The following PIP4K2C variants were observed in gnomAD, a reference collection of about 807,000 sequenced individuals.
PIP4K2C encodes the protein phosphatidylinositol 5-phosphate 4-kinase type-2 gamma.
In PIP4K2C, 21 loss-of-function variants were observed where a neutral mutation model predicts 45.0. The ratio of observed to expected loss-of-function variants is 0.47; its 90% CI spans 0.33 to 0.67. PIP4K2C has a LOEUF of 0.67. Among genes scored for constraint, PIP4K2C ranks in the 30% least tolerant of loss-of-function variants. The pLI is 0.02. For synonymous variants in PIP4K2C, 201 were observed against 204.8 expected (o/e 0.98, Z 0.16); for missense variants, 456 against 542.8 (o/e 0.84, Z 1.59).
At chr12:57,595,851 G>A (rs757117979) in intron 3 of PIP4K2C, 37 bp from the exon 4 acceptor site, 15 of 1,610,480 alleles carry the variant, frequency 9.3e-6, no homozygotes, top group Non-Finnish European at 1.3e-5. Flanking sequence ...CATATAAAGA[G>A]GGAGGAAAAG....
rs1245755083 is a variant in PIP4K2C, at chr12:57,600,791, G to A, written c.814-20G>A. 2 of 1,613,520 alleles carry A rather than the reference G, an allele frequency of 1.2e-6. No individual in the cohort carries two copies. Among genetic ancestry groups the A allele is most frequent in the Non-Finnish European group, 1.7e-6 (2 of 1,179,656 alleles). On this transcript the variant is annotated intron_variant, in intron 7 of 9. Transcript: ENST00000354947. ...AGTGAAGAGTGAGAGAGAGGTGTCT[G>A]ATTTGTCAGTGGGTCTCAGTTTCTA...
At chr12:57,596,795 A>G (rs1195515961) in intron 4 of PIP4K2C, among the ~76,000 whole-genome samples, 1 of 152,248 alleles carries the variant, frequency 6.6e-6, no homozygotes, top group Non-Finnish European at 1.5e-5. Flanking sequence ...AGATATATAC[A>G]ATAGTAGAAG....
chr12:57,592,936 GTCC>G (rs1171054143), intron 1 of PIP4K2C, among the ~76,000 whole-genome samples: 1 of 148,668 alleles, frequency 6.7e-6, no homozygotes, highest in African/African-American at 2.5e-5. Context: ...GATATGTTCT[GTCC>G]TCCTTTTCTA....
chr12:57,592,351 G>A (rs1263000153), intron 1 of PIP4K2C, among the ~76,000 whole-genome samples: 3 of 152,216 alleles, frequency 2.0e-5, no homozygotes, highest in African/African-American at 2.4e-5. Flanking sequence ...TATCTTGAAT[G>A]TGACACGGAA....
rs1434466333 is a variant in PIP4K2C, at chr12:57,600,330, G to T, written c.706G>T (p.Glu236Ter). ...REASDKEKVKELPTLKDMDFL... is the reference protein window; with the variant it reads ...REASDKEKVK Reference sequence around the variant, plus strand: ...TCCCTTTACATATTCTTAGGTTAAAGAATTGCCCACCCTTAAGGATATGGA... The same window carrying T: ...TCCCTTTACATATTCTTAGGTTAAATAATTGCCCACCCTTAAGGATATGGA... The change falls in exon 7 of 10, where the codon GAA becomes TAA. Residue 236 changes from glutamate to a stop codon, truncating the protein, a stop_gained. Transcript: ENST00000354947. LOFTEE classifies it high-confidence loss of function. The T allele has an allele frequency of 7.5e-6, 12 of 1,595,494 alleles. No individual in the cohort carries two copies. Among genetic ancestry groups the T allele is most frequent in the Non-Finnish European group, 1.0e-5 (12 of 1,164,944 alleles).
Position 57,600,896 on chromosome 12 carries a change from C to G in PIP4K2C, c.899C>G (p.Ala300Gly), listed in dbSNP as rs2277319. Residue 300 changes from alanine to glycine, a missense_variant, in exon 8 of 10, where the codon GCG (alanine) becomes GGG (glycine). Ala to Gly is a moderately conservative substitution (Grantham distance 60). This residue lies in a region of PIP4K2C where 421 missense variants were observed against 473.1 expected (regional missense o/e 0.89). Transcript: ENST00000354947. ...IIRGSEPEEE[A>G]PVREDESEVD... ...CGGGGCTCTGAACCAGAGGAGGAAG[C>G]GCCCGTGCGGGAGGATGAGTCAGAG... 25,037 of 1,614,164 alleles carry G rather than the reference C, an allele frequency of 0.016. 518 individuals carry two copies. Among genetic ancestry groups the G allele is most frequent in the East Asian group, 0.1 (4,512 of 44,880 alleles).
chr12:57,600,785 G>T (rs1883394380), intron 7 of PIP4K2C, 26 bp from the exon 8 acceptor site: 1 of 1,613,154 alleles, frequency 6.2e-7, no homozygotes, highest in Admixed American at 1.7e-5. Flanking sequence ...TGAGAGAGAG[G>T]TGTCTGATTT....
intron 1 of PIP4K2C, among the ~76,000 whole-genome samples, chr12:57,591,856 G>A (rs998153496): frequency 1.3e-5 from 2 of 150,900 alleles, no homozygotes; most frequent in African/African-American, 4.9e-5. Context: ...GTGAGGGGCC[G>A]AGGGGAGTAG....
chr12:57,603,339 CTTTT>C lies in PIP4K2C; in HGVS notation c.*1736_*1739del, dbSNP rs1338493549. ...TTCATTTGTTGCTTCTGTTTTTCAT[CTTTT>C]TTGTTTTATTAATAAAAATTTATGT... On this transcript the variant is annotated 3_prime_UTR_variant, in exon 10 of 10. Transcript: ENST00000354947. 1 of 151,638 alleles carries C rather than the reference CTTTT, an allele frequency of 6.6e-6. No homozygotes were observed. Among genetic ancestry groups the C allele is most frequent in the Non-Finnish European group, 1.5e-5 (1 of 67,860 alleles). 9.4% of individuals were successfully genotyped at this position (151,638 alleles called of 1,614,324 possible).
intron 4 of PIP4K2C, 49 bp downstream of exon 4, chr12:57,596,080 T>C (rs756614290): frequency 6.4e-7 from 1 of 1,573,542 alleles, no homozygotes; most frequent in Middle Eastern, 1.7e-4. Flanking sequence ...CCTACTCACA[T>C]ATAGCTCAGC....
intron 1 of PIP4K2C, among the ~76,000 whole-genome samples, chr12:57,593,278 C>CT (rs1212511202): frequency 2.0e-5 from 3 of 152,160 alleles, no homozygotes; most frequent in African/African-American, 7.2e-5. Context: ...TTTTTAAGTA[C>CT]TAGAGCTCCC....
chr12:57,591,602 C>A, intron 1 of PIP4K2C, 139 bp downstream of exon 1: 2 of 931,180 alleles, frequency 2.1e-6, no homozygotes, highest in Non-Finnish European at 3.1e-6. Flanking sequence ...TGCCCACCAA[C>A]CCCAGGTGTT....
intron 7 of PIP4K2C, 117 bp from the exon 8 acceptor site, chr12:57,600,694 C>T: frequency 7.4e-7 from 1 of 1,354,184 alleles, no homozygotes; most frequent in Non-Finnish European, 1.0e-6. Context: ...CCTGCAACCT[C>T]AATTTTTATA....
At position 57,594,105 on chromosome 12, in the gene PIP4K2C, C is replaced by T. The variant is rs1352801817; in HGVS notation, c.255C>T (p.Asn85=). 7.4e-6 allele frequency: 12 copies of T among 1,613,726 alleles called. No homozygotes were observed. Among genetic ancestry groups the T allele is most frequent in the African/African-American group, 1.3e-5 (1 of 74,892 alleles). ...AGGCCAGCTCCAAGATCAAGGTCAA[C>T]AATCACCTTTTCCACAGGTAAGTGA... ...DFKASSKIKV[N]NHLFHRENLP... is the part of the protein sequence containing the mutation. The change falls in exon 2 of 10, where the codon AAC becomes AAT. Residue 85 remains asparagine (N), a synonymous_variant. Transcript: ENST00000354947.
chr12:57,598,931 C>A, intron 4 of PIP4K2C, 134 bp from the exon 5 acceptor site: 2 of 962,876 alleles, frequency 2.1e-6, no homozygotes, highest in Non-Finnish European at 1.5e-6. Context: ...GAAGCTTCCA[C>A]CACTTTTGAC....
Position 57,591,421 on chromosome 12 carries a change from C to T in PIP4K2C, c.132C>T (p.Ala44=), listed in dbSNP as rs11537654. 452,081 of 1,613,370 alleles carry T rather than the reference C, an allele frequency of 0.28. 72,307 individuals are homozygous for T. The highest frequency in any genetic ancestry group is 0.6 in the East Asian group (27,021 of 44,800). ...AGAAGGTGAAGGTGTTCCGGGCGGC[C>T]GACCCGCTGGTGGGTGTGTTCCTGT... ...VQQKVKVFRA[A]DPLVGVFLWG... is the part of the protein sequence containing the mutation. The change falls in exon 1 of 10, where the codon GCC becomes GCT. Residue 44 remains alanine, a synonymous_variant. Transcript: ENST00000354947.
chr12:57,599,882 A>C (rs1433655781), intron 6 of PIP4K2C, among the ~76,000 whole-genome samples: 2 of 152,140 alleles, frequency 1.3e-5, no homozygotes, highest in Middle Eastern at 3.2e-3. Flanking sequence ...AATCTCTACC[A>C]AAAACACAAA....
chr12:57,601,748 C>G lies in PIP4K2C; in HGVS notation c.*142C>G, dbSNP rs759060338. 2.1e-5 allele frequency: 15 copies of G among 718,118 alleles called. No homozygotes were observed. Among genetic ancestry groups the G allele is most frequent in the Non-Finnish European group, 3.7e-5 (15 of 405,672 alleles). The allele number at this position is 718,118 out of a possible 1,614,324, so 44.5% of individuals were successfully genotyped here. On this transcript the variant is annotated 3_prime_UTR_variant, in exon 10 of 10. Coordinates refer to ENST00000354947, the MANE Select transcript of PIP4K2C (RefSeq NM_024779.5). ...GCTCCTTCCATCCAGATAACTCCAT[C>G]CTGTCGAGTAGGCTCTTTCTGACCC...
rs757308259 is a variant in PIP4K2C at position 57,600,905 on chromosome 12, G to A, written c.908G>A (p.Arg303Gln). The part of the protein sequence containing the change: ...GSEPEEEAPV[R>Q]EDESEVDGDC... The stretch of plus-strand genomic sequence containing the variant: ...GAACCAGAGGAGGAAGCGCCCGTGC[G>A]GGAGGATGAGTCAGAGGTGGATGGG... The change falls in exon 8 of 10, where the codon CGG becomes CAG. Residue 303 changes from arginine to glutamine, a missense_variant. By Grantham distance (43) the Arg-to-Gln change is conservative. This residue lies in a region of PIP4K2C where 421 missense variants were observed against 473.1 expected (regional missense o/e 0.89). Coordinates refer to ENST00000354947, the MANE Select transcript of PIP4K2C (RefSeq NM_024779.5). 60 of 1,614,072 alleles carry A rather than the reference G, an allele frequency of 3.7e-5. 1 individual carries two copies. The highest frequency in any genetic ancestry group is 1.1e-4 in the South Asian group (10 of 91,082).
Sources: allele counts gnomAD v4.1 joint callset (sites outside exome capture counted in the v4.1 genomes callset), GRCh38; gene constraint gnomAD v4.1.1; regional missense constraint gnomAD v4.1.1; transcripts MANE v1.5; gene names NCBI Gene and HGNC (gene_info 2026-07-23, HGNC 2026-07-21).